Variants in JSRP1 observed in about 807,000 individuals in gnomAD.
The protein encoded by JSRP1 is 2310032K21Rik.
In JSRP1, 29 loss-of-function variants were observed where a neutral mutation model predicts 21.4. The observed-to-expected ratio is 1.36, with a 90% CI of 1.01 to 1.85. The LOEUF (loss-of-function observed/expected upper bound fraction) is 1.85. Among genes scored for constraint, JSRP1 ranks in the 40% most tolerant of loss-of-function variants. The pLI is 0.00. For missense variants in JSRP1, 531 were observed against 461.5 expected (o/e 1.15, Z -1.38); for synonymous variants, 221 against 206.1 (o/e 1.07, Z -0.62).
At chr19:2,255,369 T>C (rs777772751) in intron 1 of JSRP1, 25 bp from the exon 2 acceptor site, 1 of 1,170,400 alleles carries the variant, frequency 8.5e-7, no homozygotes, top group Non-Finnish European at 1.2e-6. Context: ...GAACAAGGTC[T>C]TGCATTTACT....
intron 5 of JSRP1, 105 bp downstream of exon 5, chr19:2,253,515 A>G (rs1056416717): frequency 7.7e-5 from 89 of 1,149,858 alleles, no homozygotes; most frequent in Non-Finnish European, 9.6e-5. Context: ...AGCCCTGGAG[A>G]GGAGGCTCCC....
In JSRP1 at chr19:2,253,730, G is replaced by A; in HGVS notation, c.326C>T (p.Pro109Leu). The A allele has an allele frequency of 1.3e-6, 2 of 1,488,068 alleles. No homozygotes were observed. Among genetic ancestry groups the A allele is most frequent in the Non-Finnish European group, 8.9e-7 (1 of 1,127,280 alleles). The allele number at this position is 1,488,068 out of a possible 1,614,324, so 92.2% of individuals were successfully genotyped here. A position where few individuals can be genotyped will look rare whatever the true frequency, so the allele number is the denominator to read the frequency against. Residue 109 changes from proline to leucine, a missense_variant, in exon 5 of 7, where the codon CCG (proline) becomes CTG (leucine). By Grantham distance (98) the Pro-to-Leu change is moderately conservative (BLOSUM62 -3). Transcript: ENST00000300961. ...CAGCTCCTCGCTCAGGGCCGGGGGCGGCGGCGGCGGCTGCAGGGGCGGCGC... is the reference window on the plus strand; with the variant it reads ...CAGCTCCTCGCTCAGGGCCGGGGGCAGCGGCGGCGGCTGCAGGGGCGGCGC... ...QTAPPLQPPP[P>L]PPALSEELPW...
At chr19:2,255,850 G>A (rs573022462) in intron 1 of JSRP1, among the ~76,000 whole-genome samples, 7 of 152,248 alleles carry the variant, frequency 4.6e-5, no homozygotes, top group South Asian at 2.1e-4. Context: ...ATCCTGCTGC[G>A]TGACCCTGTG....
rs748166354 is a variant in JSRP1, at chr19:2,252,809, G to GGC, written c.529-14_529-13insGC. On this transcript the variant is annotated splice_polypyrimidine_tract_variant and intron_variant, in intron 6 of 6. Transcript: ENST00000300961. Reference sequence around the variant, plus strand: ...CCTCGAACTTAGGCTGCAAGACAGAGTGGGGTCCTGGGGTAAGCGCCCACC... The same window carrying GGC: ...CCTCGAACTTAGGCTGCAAGACAGAGGCTGGGGTCCTGGGGTAAGCGCCCACC... The GGC allele has an allele frequency of 3.7e-5, 59 of 1,607,632 alleles. 1 individual carries two copies. In the South Asian group the frequency reaches 6.5e-4, roughly 18 times the overall value.
In JSRP1 at chr19:2,253,630, C is replaced by A. The variant is rs1344536335; in HGVS notation, c.426G>T (p.Gln142His). The A allele has an allele frequency of 1.3e-6, 2 of 1,497,236 alleles. No homozygotes were observed. Among genetic ancestry groups the A allele is most frequent in the East Asian group, 2.8e-5 (1 of 36,158 alleles). 92.7% of individuals were successfully genotyped at this position (1,497,236 alleles called of 1,614,324 possible). ...SLVALLGSAFQLCRDAVPGEA... is the reference protein window; with the variant it reads ...SLVALLGSAFHLCRDAVPGEA... Reference sequence around the variant, plus strand: ...GGAGCCTGCGCTCACCGCGGCACAGCTGGAAAGCCGAGCCCAGCAGCGCCA... The same window carrying A: ...GGAGCCTGCGCTCACCGCGGCACAGATGGAAAGCCGAGCCCAGCAGCGCCA... The change falls in exon 5 of 7, where the codon CAG (glutamine) becomes CAT (histidine). Residue 142 changes from glutamine (Q) to histidine (H), a missense_variant. Physicochemically the swap from Gln to His is conservative, Grantham distance 24. Transcript: ENST00000300961.
intron 2 of JSRP1, 22 bp from the exon 3 acceptor site, chr19:2,254,504 C>G: frequency 6.2e-7 from 1 of 1,612,286 alleles, no homozygotes; most frequent in Admixed American, 1.7e-5. Flanking sequence ...CAGGCAGAGT[C>G]AAGGTTGTGG....
rs368521402 is a variant in JSRP1 at position 2,254,314 on chromosome 19, C to A, written c.148-13G>T. ...CCACCTGAGAGTCCTGTGGTTATCA[C>A]GAGACATTCCACATGTTTCCTTCCA... On this transcript the variant is annotated splice_polypyrimidine_tract_variant and intron_variant, in intron 3 of 6. Coordinates refer to ENST00000300961, the MANE Select transcript of JSRP1 (RefSeq NM_144616.4). The A allele has an allele frequency of 3.8e-6, 6 of 1,593,452 alleles. No homozygotes were observed. In the African/African-American group the frequency reaches 8.0e-5, roughly 21 times the overall value.
At position 2,255,197 on chromosome 19, in the gene JSRP1, C is replaced by T. The variant is rs1200190204; in HGVS notation, c.109+9G>A. 4 of 1,579,646 alleles carry T rather than the reference C, an allele frequency of 2.5e-6. No individual in the cohort carries two copies. In the South Asian group the frequency reaches 4.5e-5, roughly 18 times the overall value. ...GAAGGGCTTCCTCCCGCCAGCGCCA[C>T]AAGGGTACCTGAAGCCCTGTCCTCC... On this transcript the variant is annotated intron_variant, in intron 2 of 6. Coordinates refer to ENST00000300961, the MANE Select transcript of JSRP1 (RefSeq NM_144616.4).
rs368937990 is a variant in JSRP1, at chr19:2,252,962, C to T, written c.478G>A (p.Glu160Lys). The change falls in exon 6 of 7, where the codon GAG becomes AAG. Residue 160 changes from glutamate to lysine, a missense_variant. Transcript: ENST00000300961. ...GEAALQARVP[E>K]PWVPPSSAPR... is the part of the protein sequence containing the mutation. The stretch of plus-strand genomic sequence containing the variant: ...GCTGAGCTTGGCGGGACCCAGGGCT[C>T]GGGCACACGTGCTTGGAGTGCTGCC... 88 of 1,609,386 alleles carry T rather than the reference C, an allele frequency of 5.5e-5. 2 individuals are homozygous for T. In the African/African-American group the frequency reaches 6.8e-4, roughly 12 times the overall value.
chr19:2,254,355 C>T (rs1001879710), intron 3 of JSRP1, 54 bp from the exon 4 acceptor site: 8 of 1,600,306 alleles, frequency 5.0e-6, no homozygotes, highest in African/African-American at 2.7e-5. Flanking sequence ...AAACCCTTCC[C>T]GTGGGCTTTA....
rs573033964 is a variant in JSRP1, at chr19:2,254,540, T to C, written c.110-58A>G. 3.4e-3 allele frequency: 5,423 copies of C among 1,596,888 alleles called. 14 individuals carry two copies. The highest frequency in any genetic ancestry group is 4.2e-3 in the Non-Finnish European group (4,958 of 1,167,728). On this transcript the variant is annotated intron_variant, in intron 2 of 6. Transcript: ENST00000300961. ...GGACCCCCAGGCCAATCCCACCCTCTCCCCTGGCCCTGCTGGGTGACGTGC... is the reference window on the plus strand; with the variant it reads ...GGACCCCCAGGCCAATCCCACCCTCCCCCCTGGCCCTGCTGGGTGACGTGC...
chr19:2,253,012 A>G lies in JSRP1; in HGVS notation c.437-9T>C. ...CTCCCCAGGGACGGCGTCTGCAGCG[A>G]CAGGGTCGGGACCCGAGTCAGCTGG... On this transcript the variant is annotated splice_polypyrimidine_tract_variant and intron_variant, in intron 5 of 6. Coordinates refer to ENST00000300961, the MANE Select transcript of JSRP1 (RefSeq NM_144616.4). The G allele has an allele frequency of 6.3e-7, 1 of 1,590,394 alleles. No individual in the cohort carries two copies. The highest frequency in any genetic ancestry group is 8.6e-7 in the Non-Finnish European group (1 of 1,167,982).
chr19:2,252,839 C>G lies in JSRP1; in HGVS notation c.529-43G>C, dbSNP rs199620290. 2.2e-5 allele frequency: 35 copies of G among 1,596,314 alleles called. No individual in the cohort carries two copies. The East Asian group carries it at 4.7e-4, about 21-fold the overall frequency. On this transcript the variant is annotated intron_variant, in intron 6 of 6. Coordinates refer to ENST00000300961, the MANE Select transcript of JSRP1 (RefSeq NM_144616.4). ...GTCCTGGGGTAAGCGCCCACCTTCC[C>G]CCCGGCCCGGGCTCCTTCTTTCCTT...
intron 2 of JSRP1, 129 bp downstream of exon 2, chr19:2,255,077 G>T: frequency 1.8e-6 from 1 of 546,000 alleles, no homozygotes; most frequent in Non-Finnish European, 3.2e-6. Context: ...GCCAGGGGTT[G>T]AACATGGGGA....
chr19:2,253,875 C>T, intron 4 of JSRP1, 82 bp from the exon 5 acceptor site: 1 of 1,323,282 alleles, frequency 7.6e-7, no homozygotes, highest in Non-Finnish European at 9.7e-7. Context: ...AAGAGACAGG[C>T]CTGTGCCCTG....
At chr19:2,254,660 G>A (rs573978880) in intron 2 of JSRP1, among the ~76,000 whole-genome samples, 178 bp from the exon 3 acceptor site, 1 of 151,750 alleles carries the variant, frequency 6.6e-6, no homozygotes, top group South Asian at 2.1e-4. Context: ...ACTGAGGTGG[G>A]AGGATCACCT....
At chr19:2,253,342 G>A (rs1360077669) in intron 5 of JSRP1, among the ~76,000 whole-genome samples, 1 of 152,194 alleles carries the variant, frequency 6.6e-6, no homozygotes, top group Non-Finnish European at 1.5e-5. Context: ...GCGGCAGAAC[G>A]CTACGAGGCA....
rs777478909 is a variant in JSRP1 at position 2,252,981 on chromosome 19, T to G, written c.459A>C (p.Ala153=). The change falls in exon 6 of 7, where the codon GCA becomes GCC. Residue 153 remains alanine (A), a synonymous_variant. Coordinates refer to ENST00000300961, the MANE Select transcript of JSRP1 (RefSeq NM_144616.4). ...AGGGCTCGGGCACACGTGCTTGGAG[T>G]GCTGCCTCCCCAGGGACGGCGTCTG... ...LCRDAVPGEA[A]LQARVPEPWV... The G allele has an allele frequency of 3.7e-6, 6 of 1,606,204 alleles. No individual in the cohort carries two copies. In the South Asian group the frequency reaches 6.7e-5, roughly 18 times the overall value.
At chr19:2,255,421 G>T in intron 1 of JSRP1, 77 bp from the exon 2 acceptor site, 1 of 603,666 alleles carries the variant, frequency 1.7e-6, no homozygotes, top group Non-Finnish European at 2.8e-6. Context: ...GAGGTTCTGC[G>T]GACACCAACT....
Sources: allele counts gnomAD v4.1 joint callset (sites outside exome capture counted in the v4.1 genomes callset), GRCh38; gene constraint gnomAD v4.1.1; transcripts MANE v1.5; gene names NCBI Gene and HGNC (gene_info 2026-07-23, HGNC 2026-07-21).